KIAA1217: variants seen among roughly 807,000 people sequenced by gnomAD.
KIAA1217 encodes the protein KIAA1217.
A neutral mutation model predicts 163.9 loss-of-function variants in KIAA1217; 88 were observed. The ratio of observed to expected loss-of-function variants is 0.54; its 90% CI spans 0.45 to 0.64. The LOEUF is 0.64. KIAA1217 is among the 30% of genes least tolerant of loss of function. The pLI is 0.00. For missense variants in KIAA1217, 2,372 were observed against 2,475.0 expected (o/e 0.96, Z 0.88); for synonymous variants, 903 against 923.1 (o/e 0.98, Z 0.39).
intron 1 of KIAA1217, among the ~76,000 whole-genome samples, chr10:23,916,920 T>C (rs1323012415): frequency 1.4e-5 from 2 of 140,206 alleles, no homozygotes; most frequent in African/African-American, 5.5e-5. Flanking sequence ...TGCAGTGAGC[T>C]GAGATCGTGC....
intron 2 of KIAA1217, among the ~76,000 whole-genome samples, chr10:24,342,902 C>T (rs954947876): frequency 6.6e-6 from 1 of 152,046 alleles, no homozygotes; most frequent in Admixed American, 6.6e-5. Context: ...GGGGATCCGC[C>T]GACCTCTGCC....
intron 5 of KIAA1217, among the ~76,000 whole-genome samples, chr10:24,451,385 C>T (rs1250190766): frequency 6.6e-6 from 1 of 152,234 alleles, no homozygotes; most frequent in Non-Finnish European, 1.5e-5. Flanking sequence ...GTTAGGGCAG[C>T]TGGCTCAGCT....
chr10:24,213,068 T>C (rs145401255), intron 1 of KIAA1217, among the ~76,000 whole-genome samples: 94 of 152,284 alleles, frequency 6.2e-4, no homozygotes, highest in East Asian at 3.5e-3. Flanking sequence ...CCCAGAGCTG[T>C]TTTGGCAAAC....
At chr10:24,081,797 G>A (rs1047819679) in intron 2 of KIAA1217, among the ~76,000 whole-genome samples, 3 of 152,210 alleles carry the variant, frequency 2.0e-5, no homozygotes, top group Non-Finnish European at 4.4e-5. Context: ...TGGGCCACAT[G>A]TGGCCTGGGG....
intron 2 of KIAA1217, chr10:24,158,307 T>A (rs763051025): frequency 1.4e-6 from 1 of 694,714 alleles, no homozygotes; most frequent in African/African-American, 1.7e-5. Context: ...CTTTTTATAC[T>A]CAAGGAGATT....
At chr10:24,131,530 T>TAG (rs2063651802) in intron 2 of KIAA1217, among the ~76,000 whole-genome samples, 1 of 152,224 alleles carries the variant, frequency 6.6e-6, no homozygotes, top group Non-Finnish European at 1.5e-5. Context: ...TATCCTGAAC[T>TAG]GCAGCCCTTT....
chr10:23,933,124 C>G lies in KIAA1217; in HGVS notation c.-320-74101C>G, dbSNP rs145944976. Among the ~76,000 whole-genome samples the G allele has an allele frequency of 1.2e-3, 185 of 152,304 alleles. 1 individual carries two copies. The highest frequency in any genetic ancestry group is 2.0e-3 in the Non-Finnish European group (139 of 68,026). ...AGTTTTACTTCTCATATAATAAAAT[C>G]AGCTTATTATCTGCTAGGCGTTGTG... On this transcript the variant is annotated intron_variant, in intron 1 of 18. Coordinates refer to the KIAA1217 transcript ENST00000376462.
chr10:24,332,290 AT>A (rs2045784047), intron 2 of KIAA1217, among the ~76,000 whole-genome samples: 1 of 152,202 alleles, frequency 6.6e-6, no homozygotes, highest in South Asian at 2.1e-4. Flanking sequence ...GTACTGAAAT[AT>A]TTCTTTAGAA....
At chr10:23,704,172 G>GTGTGTGTATATATATATATA (rs1229370789) in intron 1 of KIAA1217, among the ~76,000 whole-genome samples, 32 of 39,938 alleles carry the variant, frequency 8.0e-4, no homozygotes, top group Admixed American at 1.2e-3. Context: ...GTGTGTGTGT[G>GTGTGTGTATATATATATATA]TATATATATA....
intron 1 of KIAA1217, among the ~76,000 whole-genome samples, chr10:23,786,321 C>A (rs1282622937): frequency 6.6e-6 from 1 of 151,796 alleles, no homozygotes; most frequent in Non-Finnish European, 1.5e-5. Context: ...GGAGAACATT[C>A]CAGGCAGCAT....
chr10:24,533,053 GT>G lies in KIAA1217; in HGVS notation c.3247-14del, dbSNP rs774455495. On this transcript the variant is annotated splice_polypyrimidine_tract_variant and intron_variant, in intron 15 of 20. Coordinates refer to ENST00000376454, the MANE Select transcript of KIAA1217 (RefSeq NM_019590.5). Reference sequence around the variant, plus strand: ...AGGAGATGTTAAACCACTATCTGTTGTTTCAATCTCCCACAGGCAAGCAGTG... The same window carrying G: ...AGGAGATGTTAAACCACTATCTGTTGTTCAATCTCCCACAGGCAAGCAGTG... The G allele has an allele frequency of 1.3e-6, 2 of 1,599,080 alleles. No individual in the cohort carries two copies. Among genetic ancestry groups the G allele is most frequent in the Non-Finnish European group, 1.7e-6 (2 of 1,170,478 alleles).
chr10:23,990,827 G>A (rs1196124536), intron 1 of KIAA1217, among the ~76,000 whole-genome samples: 3 of 152,124 alleles, frequency 2.0e-5, no homozygotes, highest in Non-Finnish European at 2.9e-5. Context: ...CTTAGGGGTT[G>A]GCAGCCAGAG....
At chr10:24,005,389 C>T (rs756007041) in intron 1 of KIAA1217, among the ~76,000 whole-genome samples, 10 of 152,146 alleles carry the variant, frequency 6.6e-5, no homozygotes, top group Non-Finnish European at 1.0e-4. Context: ...GACAGTCAGG[C>T]AATTGATTAC....
chr10:24,285,351 A>G (rs2078434192), intron 2 of KIAA1217, among the ~76,000 whole-genome samples: 5 of 152,098 alleles, frequency 3.3e-5, no homozygotes. Flanking sequence ...GGATTTTTAT[A>G]GTGTGAGGTC....
At chr10:23,714,444 T>C (rs973538810) in intron 1 of KIAA1217, among the ~76,000 whole-genome samples, 4 of 152,096 alleles carry the variant, frequency 2.6e-5, no homozygotes, top group Non-Finnish European at 5.9e-5. Flanking sequence ...GCTTCCATCA[T>C]ATCCTGCAGC....
At chr10:24,447,957 C>T (rs1187082987) in intron 5 of KIAA1217, among the ~76,000 whole-genome samples, 1 of 152,030 alleles carries the variant, frequency 6.6e-6, no homozygotes, top group African/African-American at 2.4e-5. Flanking sequence ...TGGTGAAACC[C>T]TATCTCTACT....
rs549275359 is a variant in KIAA1217 at position 24,475,064 on chromosome 10, C to A, written c.1679+1004C>A. On this transcript the variant is annotated intron_variant, in intron 6 of 20. Coordinates refer to ENST00000376454, the MANE Select transcript of KIAA1217 (RefSeq NM_019590.5). ...TGAAAATCCATCTCTATTAAAAATACAAAAATTAGTCGGGTGTGGTGGCAG... is the reference window on the plus strand; with the variant it reads ...TGAAAATCCATCTCTATTAAAAATAAAAAAATTAGTCGGGTGTGGTGGCAG... Among the ~76,000 whole-genome samples, 9 of 152,044 alleles carry A rather than the reference C, an allele frequency of 5.9e-5. No homozygotes were observed. The East Asian group carries it at 1.5e-3, about 26-fold the overall frequency.
At chr10:24,480,730 G>A (rs1030068223) in intron 6 of KIAA1217, among the ~76,000 whole-genome samples, 4 of 152,164 alleles carry the variant, frequency 2.6e-5, no homozygotes, top group Non-Finnish European at 4.4e-5. Flanking sequence ...GGAACTCCCC[G>A]AAGAAGCAGG....
At chr10:24,060,605 G>A (rs2060685398) in intron 2 of KIAA1217, among the ~76,000 whole-genome samples, 2 of 152,154 alleles carry the variant, frequency 1.3e-5, no homozygotes, top group Admixed American at 1.3e-4. Context: ...TACTAGCCTA[G>A]GCAACATAGC....
Sources: gnomAD v4.1 joint callset for allele counts (sites outside exome capture counted in the v4.1 genomes callset) on GRCh38, gnomAD v4.1.1 for gene constraint, MANE v1.5 for transcripts, NCBI Gene and HGNC (gene_info 2026-07-23, HGNC 2026-07-21) for gene names.